C2CD3: variants seen among roughly 807,000 people sequenced by gnomAD.
The protein encoded by C2CD3 is C2 domain containing 3 centriole elongation regulator.
Under a neutral mutation model 234.0 loss-of-function variants are expected in C2CD3, and 148 were observed. That is an observed-to-expected ratio of 0.63 (90% CI 0.55 to 0.72). The LOEUF is 0.72. Ranked by LOEUF, C2CD3 falls within the 30% of genes least tolerant of loss-of-function variation. The probability of loss-of-function intolerance (pLI) is 0.00; values close to 1 mark genes in which losing one functional copy is unlikely to be tolerated. For missense variants in C2CD3, 2,577 were observed against 2,811.5 expected, an observed-to-expected ratio of 0.92 and a Z score of 1.89; for synonymous variants, 1,000 against 1,035.4, an observed-to-expected ratio of 0.97 and a Z score of 0.66.
intron 7 of C2CD3, 144 bp downstream of exon 7, chr11:74,132,700 T>C: frequency 2.7e-6 from 2 of 730,274 alleles, no homozygotes; most frequent in South Asian, 2.0e-5. Flanking sequence ...TTTTATTTAG[T>C]AGGCAATAGT....
Position 74,170,148 on chromosome 11 carries a change from C to T in C2CD3, c.55+590G>A, listed in dbSNP as rs78979798. ...GCACACTCTTTCATGATCTCAGGTC[C>T]TTCAGGAGATCGTCATGCCCTTACC... is the stretch of plus-strand genomic sequence containing the variant. On this transcript the variant is annotated intron_variant, in intron 1 of 32. Transcript: ENST00000334126. Among the ~76,000 whole-genome samples the T allele has an allele frequency of 2.9e-3, 443 of 152,236 alleles. 4 individuals carry two copies. Among genetic ancestry groups the T allele is most frequent in the African/African-American group, 9.4e-3 (392 of 41,546 alleles).
At chr11:74,070,089 C>A (rs1954726640) in intron 24 of C2CD3, among the ~76,000 whole-genome samples, 1 of 152,168 alleles carries the variant, frequency 6.6e-6, no homozygotes. Context: ...TATGCTACTT[C>A]AAATCATTTT....
At chr11:74,044,018 C>T (rs970779478) in intron 28 of C2CD3, among the ~76,000 whole-genome samples, 1 of 151,894 alleles carries the variant, frequency 6.6e-6, no homozygotes, top group Non-Finnish European at 1.5e-5. Flanking sequence ...GAGATGGGCT[C>T]TCACCATGTT....
At chr11:74,029,661 G>C (rs921205726) in intron 31 of C2CD3, among the ~76,000 whole-genome samples, 4 of 152,228 alleles carry the variant, frequency 2.6e-5, no homozygotes, top group African/African-American at 9.6e-5. Flanking sequence ...AGGTGTCAGG[G>C]CTGGCTCTGA....
At position 74,052,945 on chromosome 11, in the gene C2CD3, A is replaced by G. The variant is rs1273093173; in HGVS notation, c.5155+1662T>C. Reference sequence around the variant, plus strand: ...TGACTTAAAACAAATGAAGATTTGGAAATCAGGGCCTAGCTGGAATCTTAA... The same window carrying G: ...TGACTTAAAACAAATGAAGATTTGGGAATCAGGGCCTAGCTGGAATCTTAA... On this transcript the variant is annotated intron_variant, in intron 26 of 32. Coordinates refer to ENST00000334126, the MANE Select transcript of C2CD3 (RefSeq NM_001286577.2). 3.3e-5 allele frequency among the ~76,000 whole-genome samples: 5 copies of G among 152,228 alleles called. No individual in the cohort carries two copies. The East Asian group carries it at 9.6e-4, about 29-fold the overall frequency.
chr11:74,148,751 C>G (rs534408219), intron 3 of C2CD3, among the ~76,000 whole-genome samples: 6 of 152,186 alleles, frequency 3.9e-5, no homozygotes, highest in African/African-American at 1.4e-4. Context: ...AATGTAAAGC[C>G]ACCTTTCTTC....
chr11:74,065,303 A>C (rs1026523877), intron 24 of C2CD3, among the ~76,000 whole-genome samples: 1 of 152,228 alleles, frequency 6.6e-6, no homozygotes, highest in African/African-American at 2.4e-5. Flanking sequence ...GCCAACAGAC[A>C]CATGAAAAAA....
At chr11:74,056,901 ATTT>A (rs3076367) in intron 25 of C2CD3, among the ~76,000 whole-genome samples, 187 of 136,890 alleles carry the variant, frequency 1.4e-3, no homozygotes, top group African/African-American at 4.7e-3. Flanking sequence ...CTTTATTGTA[ATTT>A]TTTTTTTTTT....
At chr11:74,114,190 T>C (rs964657550) in intron 10 of C2CD3, among the ~76,000 whole-genome samples, 194 bp downstream of exon 10, 3 of 152,058 alleles carry the variant, frequency 2.0e-5, no homozygotes, top group Non-Finnish European at 1.5e-5. Context: ...ACAGAGTCTG[T>C]ATCTTAATTT....
chr11:74,034,192 C>G lies in C2CD3; in HGVS notation c.5968G>C (p.Asp1990His). Reference sequence around the variant, plus strand: ...TGCAGTGCTTCTGTGTCCTGAGCATCTGGGAGGGTGGTGGCCTTGTTGCTT... The same window carrying G: ...TGCAGTGCTTCTGTGTCCTGAGCATGTGGGAGGGTGGTGGCCTTGTTGCTT... The part of the protein sequence containing the change: ...SRSNKATTLP[D>H]AQDTEALQER... Residue 1990 changes from aspartate to histidine, a missense_variant, in exon 31 of 33, where the codon GAT (aspartate) becomes CAT (histidine). Asp to His is a moderately conservative substitution (Grantham distance 81). Transcript: ENST00000334126. 1 of 1,536,202 alleles carries G rather than the reference C, an allele frequency of 6.5e-7. No individual in the cohort carries two copies. Among genetic ancestry groups the G allele is most frequent in the Non-Finnish European group, 8.7e-7 (1 of 1,146,922 alleles).
chr11:74,085,538 A>C, intron 21 of C2CD3, 80 bp downstream of exon 21: 2 of 1,399,392 alleles, frequency 1.4e-6, no homozygotes, highest in Non-Finnish European at 2.0e-6. Context: ...ATACTGCAGT[A>C]TGTATCTCCT....
At position 74,114,565 on chromosome 11, in the gene C2CD3, C is replaced by T. The variant is rs1479350454; in HGVS notation, c.1549G>A (p.Glu517Lys). The change falls in exon 10 of 33, where the codon GAA (glutamate) becomes AAA (lysine). Residue 517 changes from glutamate (E) to lysine (K), a missense_variant. Physicochemically the swap from Glu to Lys is moderately conservative, Grantham distance 56. Transcript: ENST00000334126. Reference sequence around the variant, plus strand: ...ATCGTTTGGGCATCTTCTGGAGTTTCTGAGAGCATCTGTTGTTCAACCAAA... The same window carrying T: ...ATCGTTTGGGCATCTTCTGGAGTTTTTGAGAGCATCTGTTGTTCAACCAAA... ...RNLVEQQMLS[E>K]TPEDAQTMTL... The T allele has an allele frequency of 1.2e-6, 2 of 1,613,856 alleles. No individual in the cohort carries two copies. Among genetic ancestry groups the T allele is most frequent in the Non-Finnish European group, 1.7e-6 (2 of 1,179,938 alleles).
At chr11:74,114,624 T>TC in intron 9 of C2CD3, 31 bp from the exon 10 acceptor site, 21 of 1,330,278 alleles carry the variant, frequency 1.6e-5, no homozygotes, top group Non-Finnish European at 2.3e-5. Flanking sequence ...CAGTGAGGCA[T>TC]ACTGCTACAG....
chr11:74,147,260 A>T (rs145999446), intron 3 of C2CD3, among the ~76,000 whole-genome samples: 63 of 152,048 alleles, frequency 4.1e-4, no homozygotes, highest in African/African-American at 1.2e-3. Flanking sequence ...ACAAAAAAAT[A>T]CAAAAATTAG....
At chr11:74,111,033 C>A (rs1366082356) in intron 11 of C2CD3, among the ~76,000 whole-genome samples, 1 of 147,746 alleles carries the variant, frequency 6.8e-6, no homozygotes, top group African/African-American at 2.7e-5. Context: ...CTGTGGCCAA[C>A]AACAACAATA....
chr11:74,106,386 T>C lies in C2CD3; in HGVS notation c.2070A>G (p.Pro690=). Reference sequence around the variant, plus strand: ...ATCTACATACCTTGAGGGGGCCAAATGGAGACTGACCATTTTCTTGTTGCA... The same window carrying C: ...ATCTACATACCTTGAGGGGGCCAAACGGAGACTGACCATTTTCTTGTTGCA... ...LPVQQENGQS[P]FGPLKVTMEL... is the part of the protein sequence containing the mutation. The change falls in exon 13 of 33, where the codon CCA becomes CCG. Residue 690 remains proline (P), a synonymous_variant. Transcript: ENST00000334126. 6.2e-7 allele frequency: 1 copy of C among 1,614,124 alleles called. No individual in the cohort carries two copies. The highest frequency in any genetic ancestry group is 1.1e-5 in the South Asian group (1 of 91,076).
At chr11:74,049,874 A>G (rs1953591029) in intron 26 of C2CD3, among the ~76,000 whole-genome samples, 1 of 139,848 alleles carries the variant, frequency 7.2e-6, no homozygotes, top group Non-Finnish European at 1.5e-5. Context: ...TCGAACTCGC[A>G]AACTCAAGCA....
At chr11:74,090,131 T>TAGCAGG (rs1434197488) in intron 20 of C2CD3, among the ~76,000 whole-genome samples, 1 of 151,882 alleles carries the variant, frequency 6.6e-6, no homozygotes, top group Non-Finnish European at 1.5e-5. Flanking sequence ...GAGGGCAGAC[T>TAGCAGG]AGCAGGAGAT....
intron 24 of C2CD3, 122 bp downstream of exon 24, chr11:74,074,131 G>C (rs1302364282): frequency 2.6e-6 from 2 of 762,974 alleles, no homozygotes; most frequent in East Asian, 5.4e-5. Flanking sequence ...CTTTAGGCTT[G>C]AGAAATAAAT....
Sources: allele counts gnomAD v4.1 joint callset (sites outside exome capture counted in the v4.1 genomes callset), GRCh38; gene constraint gnomAD v4.1.1; transcripts MANE v1.5; gene names NCBI Gene and HGNC (gene_info 2026-07-23, HGNC 2026-07-21).